The following MARK1 variants were observed in gnomAD, a reference collection of about 807,000 sequenced individuals.
MARK1 encodes the protein microtubule affinity regulating kinase 1.
A neutral mutation model predicts 96.3 loss-of-function variants in MARK1; 40 were observed. The observed-to-expected ratio is 0.42, with a 90% CI of 0.32 to 0.54. The LOEUF is 0.54. MARK1 is among the 20% of genes least tolerant of loss of function. The pLI, the probability that MARK1 is intolerant of heterozygous loss-of-function variation, is 0.16. For missense variants in MARK1, 719 were observed against 984.6 expected (o/e 0.73, Z 3.61); for synonymous variants, 317 against 341.2 (o/e 0.93, Z 0.78).
chr1:220,541,912 T>C (rs1489150292), intron 1 of MARK1, among the ~76,000 whole-genome samples: 1 of 152,240 alleles, frequency 6.6e-6, no homozygotes, highest in African/African-American at 2.4e-5. Context: ...GGACTTACTA[T>C]TGCCATTTTG....
At chr1:220,589,958 T>G (rs190954810) in intron 3 of MARK1, among the ~76,000 whole-genome samples, 1 of 152,214 alleles carries the variant, frequency 6.6e-6, no homozygotes, top group Non-Finnish European at 1.5e-5. Flanking sequence ...CTTTTCATAG[T>G]CTAAATGCCT....
intron 4 of MARK1, among the ~76,000 whole-genome samples, 194 bp from the exon 5 acceptor site, chr1:220,599,604 A>G (rs950225973): frequency 1.9e-4 from 29 of 152,244 alleles, no homozygotes; most frequent in Middle Eastern, 6.9e-3. Flanking sequence ...AGTTGGTTCT[A>G]AATCACTTTG....
At chr1:220,614,195 A>T (rs1241160252) in intron 6 of MARK1, among the ~76,000 whole-genome samples, 1 of 151,874 alleles carries the variant, frequency 6.6e-6, no homozygotes, top group East Asian at 1.9e-4. Flanking sequence ...TTTTGTAGAG[A>T]CGGGGTCTCA....
At chr1:220,639,558 C>T (rs1413181568) in intron 13 of MARK1, among the ~76,000 whole-genome samples, 1 of 152,082 alleles carries the variant, frequency 6.6e-6, no homozygotes, top group Non-Finnish European at 1.5e-5. Context: ...TATTGGTATA[C>T]TTCTATTAGA....
Position 220,601,298 on chromosome 1 carries a change from CTTTT to C in MARK1, c.424+1446_424+1449del, listed in dbSNP as rs5781182. ...GTTTATACAGATTGAATATTTTAGT[CTTTT>C]TTTTTTTTTTGCAAAACTTTTGTCA... On this transcript the variant is annotated intron_variant, in intron 5 of 17. Coordinates refer to ENST00000366917, the MANE Select transcript of MARK1 (RefSeq NM_018650.5). Among the ~76,000 whole-genome samples the C allele has an allele frequency of 3.9e-4, 53 of 134,738 alleles. No individual in the cohort carries two copies. The South Asian group carries it at 4.8e-3, about 12-fold the overall frequency. 88.4% of individuals were successfully genotyped at this position (134,738 alleles called of 152,430 possible).
At chr1:220,583,416 GT>G (rs1390225723) in intron 3 of MARK1, among the ~76,000 whole-genome samples, 1 of 152,106 alleles carries the variant, frequency 6.6e-6, no homozygotes, top group African/African-American at 2.4e-5. Flanking sequence ...TCTTAAACGT[GT>G]TTGGTTTTTG....
intron 3 of MARK1, among the ~76,000 whole-genome samples, chr1:220,587,659 C>T (rs1016534391): frequency 2.6e-5 from 4 of 152,104 alleles, no homozygotes; most frequent in Non-Finnish European, 4.4e-5. Flanking sequence ...CATGAGCCAC[C>T]GTGCCCAGCC....
chr1:220,610,049 A>G (rs1258549760), intron 6 of MARK1, among the ~76,000 whole-genome samples: 6 of 152,096 alleles, frequency 3.9e-5, no homozygotes, highest in Non-Finnish European at 2.9e-5. Context: ...CTTCTCAAGG[A>G]GTATCTTTGG....
chr1:220,579,252 T>G, intron 1 of MARK1, 102 bp from the exon 2 acceptor site: 1 of 817,472 alleles, frequency 1.2e-6, no homozygotes, highest in African/African-American at 1.7e-5. Flanking sequence ...GTGCAATATG[T>G]TTTTATTGAA....
intron 1 of MARK1, among the ~76,000 whole-genome samples, chr1:220,544,419 C>G (rs1374155596): frequency 1.3e-5 from 2 of 152,170 alleles, no homozygotes; most frequent in African/African-American, 4.8e-5. Context: ...TGTTATAAAG[C>G]AAGCCCTGCC....
intron 1 of MARK1, among the ~76,000 whole-genome samples, chr1:220,535,178 A>G (rs1224106431): frequency 2.6e-5 from 4 of 152,174 alleles, no homozygotes; most frequent in African/African-American, 9.6e-5. Flanking sequence ...TTCCACCAAC[A>G]GTGCACAAGG....
At chr1:220,553,869 A>G (rs911084562) in intron 1 of MARK1, among the ~76,000 whole-genome samples, 5 of 152,210 alleles carry the variant, frequency 3.3e-5, no homozygotes, top group Admixed American at 6.5e-5. Flanking sequence ...AGTTACTTCA[A>G]GCACCAGTGA....
chr1:220,624,004 T>G (rs1411525680), intron 9 of MARK1, among the ~76,000 whole-genome samples: 3 of 152,212 alleles, frequency 2.0e-5, no homozygotes, highest in Admixed American at 2.0e-4. Context: ...AAATAGTTAA[T>G]TCTGTTGTGT....
chr1:220,552,371 A>G lies in MARK1; in HGVS notation c.51+23498A>G, dbSNP rs79232845. On this transcript the variant is annotated intron_variant, in intron 1 of 17. Coordinates refer to ENST00000366917, the MANE Select transcript of MARK1 (RefSeq NM_018650.5). ...TCCTGAACCTGTGAAATCTGGTTAC[A>G]GGAGAAATAGCACCATATCTTAGTC... Among the ~76,000 whole-genome samples, 256 of 152,328 alleles carry G rather than the reference A, an allele frequency of 1.7e-3. 3 individuals are homozygous for G. In the East Asian group the frequency reaches 0.042, roughly 25 times the overall value.
chr1:220,598,292 T>C (rs770882832), intron 3 of MARK1, 39 bp from the exon 4 acceptor site: 31 of 543,572 alleles, frequency 5.7e-5, no homozygotes, highest in Non-Finnish European at 1.0e-4. Flanking sequence ...TTGCTTGTTT[T>C]TTTTTAACAG....
Position 220,612,477 on chromosome 1 carries a change from T to C in MARK1, c.496-3462T>C, listed in dbSNP as rs569121530. Among the ~76,000 whole-genome samples, 14 of 152,234 alleles carry C rather than the reference T, an allele frequency of 9.2e-5. 1 individual carries two copies. The highest frequency in any genetic ancestry group is 7.9e-4 in the Admixed American group (12 of 15,286). On this transcript the variant is annotated intron_variant, in intron 6 of 17. Coordinates refer to ENST00000366917, the MANE Select transcript of MARK1 (RefSeq NM_018650.5). ...TAAATTGTAAAACAATGGCAAATAT[T>C]TTCTTTATAATGTATTTATTTACTA... is the stretch of plus-strand genomic sequence containing the variant.
chr1:220,624,792 A>C (rs1336431431), intron 9 of MARK1, among the ~76,000 whole-genome samples: 1 of 152,190 alleles, frequency 6.6e-6, no homozygotes, highest in Non-Finnish European at 1.5e-5. Flanking sequence ...CTAATTGCTT[A>C]TCTCTCAGCT....
intron 3 of MARK1, among the ~76,000 whole-genome samples, chr1:220,592,766 A>T (rs1665083477): frequency 6.6e-6 from 1 of 152,180 alleles, no homozygotes; most frequent in Non-Finnish European, 1.5e-5. Flanking sequence ...AACTGCTTGG[A>T]GTGTAAGGCT....
chr1:220,645,117 A>G (rs1668507631), intron 13 of MARK1, among the ~76,000 whole-genome samples: 1 of 152,164 alleles, frequency 6.6e-6, no homozygotes, highest in African/African-American at 2.4e-5. Flanking sequence ...ACTCTTCAAA[A>G]AATCAATAAT....
Sources: gnomAD v4.1 joint callset for allele counts (sites outside exome capture counted in the v4.1 genomes callset) on GRCh38, gnomAD v4.1.1 for gene constraint, MANE v1.5 for transcripts, NCBI Gene and HGNC (gene_info 2026-07-23, HGNC 2026-07-21) for gene names.